The following EIF4G3 variants were observed in gnomAD, a reference collection of about 807,000 sequenced individuals.
EIF4G3 encodes the protein eIF-4-gamma 3.
In EIF4G3, 34 loss-of-function variants were observed where a neutral mutation model predicts 186.4. The ratio of observed to expected loss-of-function variants is 0.18; its 90% CI spans 0.14 to 0.24. EIF4G3 has a LOEUF of 0.24. Among genes scored for constraint, EIF4G3 ranks in the 10% least tolerant of loss-of-function variants. The pLI is 1.00. For missense variants in EIF4G3, 1,536 were observed against 1,948.5 expected (o/e 0.79, Z 3.99); for synonymous variants, 673 against 679.5 (o/e 0.99, Z 0.15).
chr1:21,171,952 A>G (rs2097983271), intron 2 of EIF4G3, among the ~76,000 whole-genome samples: 1 of 152,172 alleles, frequency 6.6e-6, no homozygotes, highest in Non-Finnish European at 1.5e-5. Flanking sequence ...TAAAAGGGCA[A>G]GGATATTACG....
At chr1:21,161,314 G>T (rs1341351794) in intron 2 of EIF4G3, among the ~76,000 whole-genome samples, 2 of 149,904 alleles carry the variant, frequency 1.3e-5, no homozygotes, top group Non-Finnish European at 3.0e-5. Context: ...GACCAGCCTG[G>T]CCAACATGAC....
chr1:20,989,056 AGGAGGGGAGGGGAGG>A (rs1282326465), intron 7 of EIF4G3, among the ~76,000 whole-genome samples: 34 of 2,240 alleles, frequency 0.015, no homozygotes, highest in South Asian at 0.025. Flanking sequence ...AGGAGAGGAG[AGGAGGGGAGGGGAGG>A]GGAGGGGAGG....
At chr1:20,830,765 C>G (rs932031955) in intron 30 of EIF4G3, among the ~76,000 whole-genome samples, 1 of 152,196 alleles carries the variant, frequency 6.6e-6, no homozygotes, top group African/African-American at 2.4e-5. Flanking sequence ...GGACAGTCCA[C>G]AGAACACAAT....
chr1:21,075,342 G>A (rs537598861), intron 3 of EIF4G3, among the ~76,000 whole-genome samples: 9 of 152,064 alleles, frequency 5.9e-5, no homozygotes, highest in African/African-American at 1.9e-4. Context: ...GCCAAGGTGG[G>A]CAGATCACCT....
chr1:21,141,287 C>T (rs2097332310), intron 2 of EIF4G3, among the ~76,000 whole-genome samples: 1 of 151,914 alleles, frequency 6.6e-6, no homozygotes, highest in Non-Finnish European at 1.5e-5. Flanking sequence ...GAAGAATCTA[C>T]AACACACTGA....
intron 14 of EIF4G3, among the ~76,000 whole-genome samples, chr1:20,936,324 C>T (rs1036420336): frequency 6.6e-6 from 1 of 152,194 alleles, no homozygotes; most frequent in African/African-American, 2.4e-5. Context: ...ATCACTCAGA[C>T]TCAAGCCTCT....
At chr1:20,860,763 C>T (rs1179072550) in intron 23 of EIF4G3, among the ~76,000 whole-genome samples, 3 of 152,060 alleles carry the variant, frequency 2.0e-5, no homozygotes, top group Non-Finnish European at 4.4e-5. Context: ...ATACAAAGAA[C>T]AGGGTGAAAG....
chr1:20,883,730 A>G (rs2083182873), intron 19 of EIF4G3, among the ~76,000 whole-genome samples: 1 of 152,192 alleles, frequency 6.6e-6, no homozygotes, highest in Non-Finnish European at 1.5e-5. Context: ...ATGAAGGAGA[A>G]AACACTTTAG....
chr1:21,005,994 A>G (rs962845745), intron 4 of EIF4G3, among the ~76,000 whole-genome samples: 2 of 152,192 alleles, frequency 1.3e-5, no homozygotes, highest in African/African-American at 4.8e-5. Context: ...TTCTGTCACA[A>G]TGTATGCCAT....
At chr1:21,111,880 G>A (rs1477405670) in intron 2 of EIF4G3, among the ~76,000 whole-genome samples, 3 of 152,118 alleles carry the variant, frequency 2.0e-5, no homozygotes, top group Non-Finnish European at 4.4e-5. Context: ...ACAGTTCTCT[G>A]CTCAAAGTAT....
intron 4 of EIF4G3, among the ~76,000 whole-genome samples, chr1:21,027,545 G>A (rs534136014): frequency 9.9e-5 from 15 of 151,806 alleles, no homozygotes; most frequent in East Asian, 7.8e-4. Context: ...CAGGAGAATC[G>A]CTTGAACTCA....
chr1:21,069,885 A>AT (rs1224597641), intron 3 of EIF4G3, among the ~76,000 whole-genome samples: 5 of 151,974 alleles, frequency 3.3e-5, no homozygotes, highest in South Asian at 2.1e-4. Flanking sequence ...TAAGAATGAG[A>AT]TTTTTTTTGT....
intron 18 of EIF4G3, chr1:20,892,845 A>G: frequency 1.5e-6 from 1 of 689,120 alleles, no homozygotes; most frequent in South Asian, 1.9e-5. Context: ...CGCTCTGTAT[A>G]TATATTTTTT....
chr1:21,171,967 G>GGAGAC (rs1171939905), intron 2 of EIF4G3, among the ~76,000 whole-genome samples: 12 of 152,042 alleles, frequency 7.9e-5, no homozygotes, highest in African/African-American at 2.4e-4. Context: ...ATTACGAGAT[G>GGAGAC]CACTGGGAAG....
intron 2 of EIF4G3, among the ~76,000 whole-genome samples, chr1:21,104,250 T>C (rs2096576176): frequency 6.6e-6 from 1 of 152,156 alleles, no homozygotes; most frequent in Admixed American, 6.5e-5. Context: ...ACTAGTAACA[T>C]CCTTCTTCAT....
intron 4 of EIF4G3, among the ~76,000 whole-genome samples, chr1:21,042,320 T>C (rs2093630915): frequency 6.6e-6 from 1 of 152,208 alleles, no homozygotes; most frequent in African/African-American, 2.4e-5. Context: ...TATCAATTTA[T>C]AATATTCATT....
intron 3 of EIF4G3, among the ~76,000 whole-genome samples, chr1:21,054,514 C>T (rs1437266031): frequency 3.3e-5 from 5 of 151,504 alleles, no homozygotes; most frequent in African/African-American, 1.2e-4. Context: ...AAATTCCTGA[C>T]ATAGTAATAT....
chr1:21,018,492 G>A (rs1272524068), intron 4 of EIF4G3, among the ~76,000 whole-genome samples: 1 of 151,840 alleles, frequency 6.6e-6, no homozygotes, highest in Non-Finnish European at 1.5e-5. Flanking sequence ...CCCAGGAGGT[G>A]GAGGTTGCAG....
intron 20 of EIF4G3, among the ~76,000 whole-genome samples, chr1:20,877,970 A>G (rs1326895262): frequency 1.3e-5 from 2 of 152,088 alleles, no homozygotes; most frequent in African/African-American, 4.8e-5. Context: ...CAGCCTCTCA[A>G]GTAGCTGGGA....
Sources: gnomAD v4.1 joint callset for allele counts (sites outside exome capture counted in the v4.1 genomes callset) on GRCh38, gnomAD v4.1.1 for gene constraint, MANE v1.5 for transcripts, NCBI Gene and HGNC (gene_info 2026-07-23, HGNC 2026-07-21) for gene names.